Variants in SPSB1 observed in about 807,000 individuals in gnomAD.
SPSB1 encodes SPRY domain-containing SOCS box protein 1.
Under a neutral mutation model 21.2 loss-of-function variants are expected in SPSB1, and 8 were observed. That is an observed-to-expected ratio of 0.38 (90% CI 0.22 to 0.68). The LOEUF is 0.68. Among genes scored for constraint, SPSB1 ranks in the 30% least tolerant of loss-of-function variants. SPSB1 has a pLI of 0.53. For synonymous variants in SPSB1, 169 were observed against 161.7 expected (o/e 1.05, Z -0.34); for missense variants, 242 against 377.8 (o/e 0.64, Z 2.98).
At chr1:9,365,654 G>GCC (rs1640558237) in intron 2 of SPSB1, among the ~76,000 whole-genome samples, 1 of 152,148 alleles carries the variant, frequency 6.6e-6, no homozygotes, top group African/African-American at 2.4e-5. Flanking sequence ...ATTCTGCCAT[G>GCC]CCCCACCCGT....
chr1:9,354,680 G>A (rs1273997430), intron 1 of SPSB1, among the ~76,000 whole-genome samples: 3 of 152,092 alleles, frequency 2.0e-5, no homozygotes, highest in African/African-American at 7.2e-5. Context: ...AGGCATGGTG[G>A]TGGGTGCCTG....
Position 9,348,929 on chromosome 1 carries a change from G to A in SPSB1, c.-149-6814G>A, listed in dbSNP as rs562975820. ...ATGTAAGGGACATCCCCTTTCACTC[G>A]TGCAAGAATGTGTGTGTGTGTGTGT... On this transcript the variant is annotated intron_variant, in intron 1 of 2. Coordinates refer to ENST00000328089, the MANE Select transcript of SPSB1 (RefSeq NM_025106.4). The surrounding 1 kb of genome is among the most constrained non-coding windows in gnomAD (Gnocchi z 4.8). Among the ~76,000 whole-genome samples, 21 of 116,836 alleles carry A rather than the reference G, an allele frequency of 1.8e-4. No homozygotes were observed. In the South Asian group the frequency reaches 6.2e-3, roughly 35 times the overall value. The allele number at this position is 116,836 out of a possible 152,430, so 76.6% of individuals were successfully genotyped here.
Position 9,324,218 on chromosome 1 carries a change from T to TGGGC in SPSB1, c.-150+31148_-150+31151dup, listed in dbSNP as rs1639774847. On this transcript the variant is annotated intron_variant, in intron 1 of 2. Transcript: ENST00000328089. This position sits in a 1 kb window ranked among gnomAD's most constrained non-coding sequence, Gnocchi z 4.3. ...GTGGACACCTCTGACGCAGCTGGAA[T>TGGGC]GGGCCTAGGTGGGAGGGACTTTGTC... Among the ~76,000 whole-genome samples the TGGGC allele has an allele frequency of 6.6e-6, 1 of 152,244 alleles. No homozygotes were observed. Among genetic ancestry groups the TGGGC allele is most frequent in the African/African-American group, 2.4e-5 (1 of 41,464 alleles).
At chr1:9,357,089 G>GTGGA (rs140221358) in intron 2 of SPSB1, among the ~76,000 whole-genome samples, 16 of 150,278 alleles carry the variant, frequency 1.1e-4, no homozygotes, top group Non-Finnish European at 1.8e-4. Flanking sequence ...GGATGGGTGG[G>GTGGA]TGGATGGATG....
rs926967868 is a variant in SPSB1 at position 9,293,654 on chromosome 1, G to A, written c.-150+583G>A. On this transcript the variant is annotated intron_variant, in intron 1 of 2. Transcript: ENST00000328089. This position sits in a 1 kb window ranked among gnomAD's most constrained non-coding sequence, Gnocchi z 5.1. Reference sequence around the variant, plus strand: ...GCCGCCGCGGCTTCTCCCAGCAGCGGAGGGAGAGCCGGAGGGTTGTCAGGA... The same window carrying A: ...GCCGCCGCGGCTTCTCCCAGCAGCGAAGGGAGAGCCGGAGGGTTGTCAGGA... Among the ~76,000 whole-genome samples, 6 of 152,182 alleles carry A rather than the reference G, an allele frequency of 3.9e-5. No individual in the cohort carries two copies. The highest frequency in any genetic ancestry group is 1.5e-5 in the Non-Finnish European group (1 of 68,006).
In SPSB1 at chr1:9,311,121, C is replaced by T. The variant is rs554007843; in HGVS notation, c.-150+18050C>T. ...CCTGAAAGCCAAGTCCTTACCCCCA[C>T]GCCACTCTCAGGGGTGTCTAGACAG... On this transcript the variant is annotated intron_variant, in intron 1 of 2. Coordinates refer to ENST00000328089, the MANE Select transcript of SPSB1 (RefSeq NM_025106.4). 6.1e-4 allele frequency among the ~76,000 whole-genome samples: 93 copies of T among 151,662 alleles called. 1 individual carries two copies. The highest frequency in any genetic ancestry group is 2.1e-3 in the African/African-American group (87 of 41,304).
chr1:9,349,824 C>A (rs1640227565), intron 1 of SPSB1, among the ~76,000 whole-genome samples: 1 of 152,136 alleles, frequency 6.6e-6, no homozygotes, highest in South Asian at 2.1e-4. Flanking sequence ...TTAATCTGAT[C>A]TTACTTGTGG....
chr1:9,365,405 CTG>C (rs1397656424), intron 2 of SPSB1, among the ~76,000 whole-genome samples: 1 of 152,210 alleles, frequency 6.6e-6, no homozygotes, highest in Non-Finnish European at 1.5e-5. Flanking sequence ...GTATGAGCCA[CTG>C]TGCCTGACCT....
chr1:9,314,514 A>G (rs1214247463), intron 1 of SPSB1, among the ~76,000 whole-genome samples: 2 of 152,140 alleles, frequency 1.3e-5, no homozygotes, highest in African/African-American at 4.8e-5. Context: ...TCATCACCAA[A>G]TGGAGAGAGA....
At chr1:9,304,702 G>A (rs1639384794) in intron 1 of SPSB1, among the ~76,000 whole-genome samples, 1 of 152,102 alleles carries the variant, frequency 6.6e-6, no homozygotes, top group Non-Finnish European at 1.5e-5. Flanking sequence ...GTCCATGGAG[G>A]TGCTTTGAAC....
intron 1 of SPSB1, among the ~76,000 whole-genome samples, chr1:9,343,817 G>T (rs766616253): frequency 6.6e-5 from 10 of 151,850 alleles, no homozygotes; most frequent in African/African-American, 1.5e-4. Context: ...ACAGAGTCTC[G>T]CTCTGTTGCC....
At chr1:9,351,673 T>C (rs1197706168) in intron 1 of SPSB1, 1 of 152,128 alleles carries the variant, frequency 6.6e-6, no homozygotes, top group Non-Finnish European at 1.5e-5. Context: ...CATTTTAAAA[T>C]AGAAGGAAGA....
At position 9,346,876 on chromosome 1, in the gene SPSB1, G is replaced by C. The variant is rs937846553; in HGVS notation, c.-149-8867G>C. ...CTTGTGTTCTGGGTCAGTAGAGAGA[G>C]ACAGCCGCCCCATTTTTACGGGGCT... On this transcript the variant is annotated intron_variant, in intron 1 of 2. Coordinates refer to ENST00000328089, the MANE Select transcript of SPSB1 (RefSeq NM_025106.4). The surrounding 1 kb of genome is among the most constrained non-coding windows in gnomAD (Gnocchi z 4.4). Among the ~76,000 whole-genome samples, 19 of 152,248 alleles carry C rather than the reference G, an allele frequency of 1.2e-4. No individual in the cohort carries two copies. Among genetic ancestry groups the C allele is most frequent in the Non-Finnish European group, 2.6e-4 (18 of 68,046 alleles).
At chr1:9,331,419 C>A (rs143052261) in intron 1 of SPSB1, among the ~76,000 whole-genome samples, 1 of 148,448 alleles carries the variant, frequency 6.7e-6, no homozygotes, top group South Asian at 2.1e-4. Context: ...TAACCTCTGC[C>A]TCCTGGGTTC....
chr1:9,364,441 C>G (rs1640525417), intron 2 of SPSB1, among the ~76,000 whole-genome samples: 3 of 152,218 alleles, frequency 2.0e-5, no homozygotes, highest in Admixed American at 6.5e-5. Context: ...GGAAACAAGT[C>G]CGGGCAGACG....
chr1:9,351,038 G>A (rs931025584), intron 1 of SPSB1, among the ~76,000 whole-genome samples: 6 of 152,232 alleles, frequency 3.9e-5, no homozygotes, highest in South Asian at 2.1e-4. Context: ...TGTCCTGAGC[G>A]CCATGTCCAG....
At chr1:9,341,164 C>G (rs1183347828) in intron 1 of SPSB1, among the ~76,000 whole-genome samples, 1 of 152,250 alleles carries the variant, frequency 6.6e-6, no homozygotes, top group African/African-American at 2.4e-5. Context: ...ATCCAAGTTG[C>G]TTTTCTGAGA....
intron 1 of SPSB1, among the ~76,000 whole-genome samples, chr1:9,337,145 G>A (rs182051873): frequency 1.3e-5 from 2 of 152,144 alleles, no homozygotes; most frequent in Admixed American, 1.3e-4. Context: ...AGAGGGGAAG[G>A]GGTGCTTTCT....
At chr1:9,298,061 G>A (rs888768432) in intron 1 of SPSB1, among the ~76,000 whole-genome samples, 5 of 152,186 alleles carry the variant, frequency 3.3e-5, no homozygotes, top group Non-Finnish European at 7.3e-5. Context: ...CCAAGGCAAG[G>A]TGAGTGTGGT....
Sources: allele counts gnomAD v4.1 joint callset (sites outside exome capture counted in the v4.1 genomes callset), GRCh38; gene constraint gnomAD v4.1.1; non-coding constraint Gnocchi (gnomAD v3.1); transcripts MANE v1.5; gene names NCBI Gene and HGNC (gene_info 2026-07-23, HGNC 2026-07-21).